PLEKHH2: variants seen among roughly 807,000 people sequenced by gnomAD.
The protein encoded by PLEKHH2 is pleckstrin homology, MyTH4 and FERM domain containing H2, also known as pleckstrin homology domain-containing family H member 2.
Under a neutral mutation model 187.9 loss-of-function variants are expected in PLEKHH2, and 129 were observed. The observed-to-expected ratio is 0.69, with a 90% CI of 0.59 to 0.79. The LOEUF (loss-of-function observed/expected upper bound fraction) is 0.79. Among genes scored for constraint, PLEKHH2 ranks in the 30% least tolerant of loss-of-function variants. The pLI is 0.00. For synonymous variants in PLEKHH2, 686 were observed against 605.6 expected (o/e 1.13, Z -1.95); for missense variants, 2,076 against 1,751.2 (o/e 1.19, Z -3.31).
At chr2:43,655,473 C>T (rs999426986) in intron 2 of PLEKHH2, among the ~76,000 whole-genome samples, 2 of 152,070 alleles carry the variant, frequency 1.3e-5, no homozygotes, top group African/African-American at 4.8e-5. Flanking sequence ...GAACAGAAAC[C>T]AGCACCTTCA....
chr2:43,745,563 A>G (rs1281561240), intron 23 of PLEKHH2, among the ~76,000 whole-genome samples: 2 of 152,184 alleles, frequency 1.3e-5, no homozygotes, highest in East Asian at 3.8e-4. Context: ...TGACCAAATC[A>G]TGGAAAAATC....
rs764324981 is a variant in PLEKHH2 at position 43,707,558 on chromosome 2, C to T, written c.1966+13C>T. 6.8e-6 allele frequency: 11 copies of T among 1,613,396 alleles called. No homozygotes were observed. The highest frequency in any genetic ancestry group is 1.3e-5 in the African/African-American group (1 of 74,900). ...GCCATGAAACGAGGTGAGGGAAAAT[C>T]GCAGGCATATGAGGCAACTCCAGAT... is the stretch of plus-strand genomic sequence containing the variant. On this transcript the variant is annotated intron_variant, in intron 11 of 29. Coordinates refer to ENST00000282406, the MANE Select transcript of PLEKHH2 (RefSeq NM_172069.4).
rs563503331 is a variant in PLEKHH2, at chr2:43,742,877, C to T, written c.3358C>T (p.Pro1120Ser). The change falls in exon 22 of 30, where the codon CCC becomes TCC. Residue 1120 changes from proline (P) to serine (S), a missense_variant. Pro to Ser is a moderately conservative substitution (Grantham distance 74). Transcript: ENST00000282406. ...CCGAAACCCTTATCACCATTCTTTG[C>T]CCTTTAGTATACCTGTGCACTTCAT... ...LLRNPYHHSL[P>S]FSIPVHFMNG... 6.9e-6 allele frequency: 11 copies of T among 1,604,664 alleles called. No individual in the cohort carries two copies. Among genetic ancestry groups the T allele is most frequent in the East Asian group, 2.3e-5 (1 of 44,306 alleles).
chr2:43,670,195 T>C (rs1667427845), intron 2 of PLEKHH2, among the ~76,000 whole-genome samples: 1 of 152,218 alleles, frequency 6.6e-6, no homozygotes, highest in African/African-American at 2.4e-5. Context: ...GTTCTTACAC[T>C]GATAGTAATG....
chr2:43,740,857 A>G, intron 20 of PLEKHH2, 89 bp from the exon 21 acceptor site: 2 of 1,525,942 alleles, frequency 1.3e-6, no homozygotes, highest in Non-Finnish European at 1.8e-6. Flanking sequence ...TTGGGTTAAG[A>G]GAGACTGTCA....
In PLEKHH2 at chr2:43,700,164, T is replaced by TGAA. The variant is rs1669288899; in HGVS notation, c.1208_1210dup (p.Glu403dup). 1.2e-6 allele frequency: 2 copies of TGAA among 1,614,032 alleles called. No homozygotes were observed. Among genetic ancestry groups the TGAA allele is most frequent in the Non-Finnish European group, 1.7e-6 (2 of 1,179,994 alleles). On this transcript the variant is annotated inframe_insertion, in exon 8 of 30. Transcript: ENST00000282406. ...GACTCGATTATTCATCTTCATCGAG[T>TGAA]GAAGCCAACACCCCAAGCCCTATTT...
Position 43,753,624 on chromosome 2 carries a change from A to T in PLEKHH2, c.3659A>T (p.Tyr1220Phe). 1 of 1,474,684 alleles carries T rather than the reference A, an allele frequency of 6.8e-7. No homozygotes were observed. 91.3% of individuals were successfully genotyped at this position (1,474,684 alleles called of 1,614,324 possible). ...TVRLTYKNRL[Y>F]FSVQARGETD... is the part of the protein sequence containing the mutation. ...TTTACTCTTTTTTTTTACAGACTATATTTCTCAGTGCAAGCTCGTGGAGAG... is the reference window on the plus strand; with the variant it reads ...TTTACTCTTTTTTTTTACAGACTATTTTTCTCAGTGCAAGCTCGTGGAGAG... Residue 1220 changes from tyrosine (Y) to phenylalanine (F), a missense_variant, in exon 25 of 30, where the codon TAT becomes TTT. Transcript: ENST00000282406.
At chr2:43,717,856 A>G (rs1486022233) in intron 15 of PLEKHH2, among the ~76,000 whole-genome samples, 1 of 152,252 alleles carries the variant, frequency 6.6e-6, no homozygotes, top group Non-Finnish European at 1.5e-5. Flanking sequence ...TTAAACATAT[A>G]AATTGTGTTA....
chr2:43,658,236 A>T (rs1395207374), intron 2 of PLEKHH2, among the ~76,000 whole-genome samples: 4 of 152,184 alleles, frequency 2.6e-5, no homozygotes, highest in Non-Finnish European at 5.9e-5. Flanking sequence ...ATTACTTTGA[A>T]GTCTCTGCAT....
intron 2 of PLEKHH2, among the ~76,000 whole-genome samples, chr2:43,677,152 T>G (rs6712060): frequency 0.66 from 99,909 of 151,580 alleles, 33,700 homozygotes; most frequent in Middle Eastern, 0.73. Flanking sequence ...TGTATTTAAC[T>G]CATCTCCAGT....
chr2:43,728,991 T>A (rs1308560384), intron 17 of PLEKHH2, among the ~76,000 whole-genome samples: 1 of 152,222 alleles, frequency 6.6e-6, no homozygotes, highest in African/African-American at 2.4e-5. Flanking sequence ...GTAACCATCA[T>A]AATGTTCAGC....
chr2:43,700,476 T>C lies in PLEKHH2; in HGVS notation c.1518T>C (p.Ser506=), dbSNP rs1300845256. 6.2e-7 allele frequency: 1 copy of C among 1,613,458 alleles called. No homozygotes were observed. Among genetic ancestry groups the C allele is most frequent in the East Asian group, 2.2e-5 (1 of 44,856 alleles). ...STEVLENMDT[S]CDDGLFSYDS... The stretch of plus-strand genomic sequence containing the variant: ...AAGTTTTAGAGAATATGGACACGAG[T>C]TGTGATGATGGATTATTTTCCTATG... The change falls in exon 8 of 30, where the codon AGT becomes AGC. Residue 506 remains serine, a synonymous_variant. Coordinates refer to ENST00000282406, the MANE Select transcript of PLEKHH2 (RefSeq NM_172069.4).
At position 43,693,723 on chromosome 2, in the gene PLEKHH2, C is replaced by CAAA. The variant is rs70965316; in HGVS notation, c.337-693_337-691dup. ...TGGGCGACTGAGCGAGACTCCATCT[C>CAAA]AAAAAAAAAAAAAAAAAGGAAAAAA... On this transcript the variant is annotated intron_variant, in intron 4 of 29. Coordinates refer to ENST00000282406, the MANE Select transcript of PLEKHH2 (RefSeq NM_172069.4). 8.5e-3 allele frequency among the ~76,000 whole-genome samples: 590 copies of CAAA among 69,666 alleles called. 34 individuals carry two copies. Among genetic ancestry groups the CAAA allele is most frequent in the African/African-American group, 0.037 (557 of 15,090 alleles). 45.7% of individuals were successfully genotyped at this position (69,666 alleles called of 152,430 possible). A position where few individuals can be genotyped will look rare whatever the true frequency, so the allele number is the denominator to read the frequency against.
chr2:43,729,735 C>A lies in PLEKHH2; in HGVS notation c.2820C>A (p.Asp940Glu). Reference protein sequence around the residue: ...EQLVCKLLNIDGEPSSQIWRH... With the variant: ...EQLVCKLLNIEGEPSSQIWRH... ...TGGTTTGCAAATTGCTAAATATAGA[C>A]GGGGAGCCTTGTAAGTTCATAAACA... is the stretch of plus-strand genomic sequence containing the variant. Residue 940 changes from aspartate (D) to glutamate (E), a missense_variant, in exon 18 of 30, where the codon GAC (aspartate) becomes GAA (glutamate). Transcript: ENST00000282406. 6.3e-7 allele frequency: 1 copy of A among 1,594,346 alleles called. No homozygotes were observed. The highest frequency in any genetic ancestry group is 8.5e-7 in the Non-Finnish European group (1 of 1,170,144).
chr2:43,753,900 T>C, intron 25 of PLEKHH2, 140 bp downstream of exon 25: 1 of 687,354 alleles, frequency 1.5e-6, no homozygotes. Flanking sequence ...TTACAGGCAC[T>C]ATAATTATAG....
In PLEKHH2 at chr2:43,703,310, C is replaced by G. The variant is rs142193269; in HGVS notation, c.1651-671C>G. On this transcript the variant is annotated intron_variant, in intron 8 of 29. Transcript: ENST00000282406. ...CTAGTAACCTGTCCAGTACCTGTTT[C>G]AGAGATTTTTCAGAAGAGAAGAGAA... Among the ~76,000 whole-genome samples the G allele has an allele frequency of 4.3e-3, 661 of 152,280 alleles. 5 individuals carry two copies. The highest frequency in any genetic ancestry group is 0.015 in the African/African-American group (611 of 41,556).
At chr2:43,676,039 C>T in intron 2 of PLEKHH2, 1 of 1,614,014 alleles carries the variant, frequency 6.2e-7, no homozygotes, top group Non-Finnish European at 8.5e-7. Context: ...TGCTTTGTCA[C>T]AGTGTTTGGT....
chr2:43,638,401 C>G (rs561553267), intron 1 of PLEKHH2, among the ~76,000 whole-genome samples: 1 of 152,280 alleles, frequency 6.6e-6, no homozygotes, highest in Admixed American at 6.5e-5. Flanking sequence ...TAGAATAATT[C>G]TTTCATTTCT....
At chr2:43,676,708 G>A (rs1667817230) in intron 2 of PLEKHH2, among the ~76,000 whole-genome samples, 1 of 152,160 alleles carries the variant, frequency 6.6e-6, no homozygotes, top group Admixed American at 6.5e-5. Flanking sequence ...CATCCCGTAT[G>A]TTGATTAGCA....
Sources: gnomAD v4.1 joint callset for allele counts (sites outside exome capture counted in the v4.1 genomes callset) on GRCh38, gnomAD v4.1.1 for gene constraint, MANE v1.5 for transcripts, NCBI Gene and HGNC (gene_info 2026-07-23, HGNC 2026-07-21) for gene names.